The following VPS13D variants were observed in gnomAD, a reference collection of about 807,000 sequenced individuals.
VPS13D encodes the protein vacuolar protein sorting 13 homolog D.
VPS13D carries 187 observed loss-of-function variants against 461.9 expected under a neutral mutation model. The ratio of observed to expected loss-of-function variants is 0.40; its 90% CI spans 0.36 to 0.46. The LOEUF is 0.46. VPS13D is among the 20% of genes least tolerant of loss of function. The pLI, the probability that VPS13D is intolerant of heterozygous loss-of-function variation, is 0.60. For synonymous variants in VPS13D, 1,951 were observed against 1,986.3 expected (o/e 0.98, Z 0.47); for missense variants, 4,711 against 5,364.9 (o/e 0.88, Z 3.81).
At chr1:12,349,603 A>G (rs188909538) in intron 46 of VPS13D, among the ~76,000 whole-genome samples, 185 of 152,262 alleles carry the variant, frequency 1.2e-3, no homozygotes, top group African/African-American at 4.2e-3. Context: ...CACACATGCT[A>G]TTTACACATA....
Position 12,511,368 on chromosome 1 carries a change from C to T in VPS13D, c.*2344C>T, listed in dbSNP as rs1646179351. 2 of 152,184 alleles carry T rather than the reference C, an allele frequency of 1.3e-5. No homozygotes were observed. The highest frequency in any genetic ancestry group is 2.9e-5 in the Non-Finnish European group (2 of 68,038). 9.4% of individuals were successfully genotyped at this position (152,184 alleles called of 1,614,324 possible). On this transcript the variant is annotated 3_prime_UTR_variant, in exon 70 of 70. Transcript: ENST00000620676. This position sits in a 1 kb window ranked among gnomAD's most constrained non-coding sequence, Gnocchi z 4.5. ...CTCTCCCCTGCCCTGCAGCCCTGGG[C>T]CAGACAAGGCCAGAAGGTTTCAGGG...
chr1:12,408,237 A>G (rs961306375), intron 63 of VPS13D, among the ~76,000 whole-genome samples: 1 of 152,216 alleles, frequency 6.6e-6, no homozygotes, highest in Admixed American at 6.5e-5. Flanking sequence ...GTGAAAATGC[A>G]CATATTCAAG....
intron 36 of VPS13D, among the ~76,000 whole-genome samples, chr1:12,328,990 C>G (rs1643262854): frequency 6.6e-6 from 1 of 152,166 alleles, no homozygotes; most frequent in African/African-American, 2.4e-5. Flanking sequence ...AGAGCTTGCC[C>G]TTTCCCTGAG....
At position 12,506,963 on chromosome 1, in the gene VPS13D, T is replaced by G; in HGVS notation, c.12905T>G (p.Val4302Gly). ...YVDREAIFLEVKYDDLYHCLV... is the reference protein window; with the variant it reads ...YVDREAIFLEGKYDDLYHCLV... ...GATCGAGAAGCCATTTTCCTAGAAG[T>G]CAAATACGATGACCTCTACCACTGC... Residue 4302 changes from valine (V) to glycine (G), a missense_variant, in exon 69 of 70, where the codon GTC becomes GGC. By Grantham distance (109) the Val-to-Gly change is moderately radical. Coordinates refer to ENST00000620676, the MANE Select transcript of VPS13D (RefSeq NM_015378.4). 1 of 1,614,222 alleles carries G rather than the reference T, an allele frequency of 6.2e-7. No individual in the cohort carries two copies.
At chr1:12,479,696 C>T (rs1429091874) in intron 67 of VPS13D, among the ~76,000 whole-genome samples, 4 of 152,126 alleles carry the variant, frequency 2.6e-5, no homozygotes, top group Admixed American at 2.0e-4. Context: ...GGCCATCTCT[C>T]GGTCCCTCAC....
intron 67 of VPS13D, among the ~76,000 whole-genome samples, chr1:12,481,489 G>T (rs759701440): frequency 2.6e-4 from 39 of 152,186 alleles, no homozygotes; most frequent in Admixed American, 5.2e-4. Flanking sequence ...CAGTGTTGTT[G>T]GTTCTTGTTT....
At chr1:12,247,418 A>G (rs888577096) in intron 5 of VPS13D, among the ~76,000 whole-genome samples, 4 of 148,182 alleles carry the variant, frequency 2.7e-5, no homozygotes, top group African/African-American at 7.3e-5. Context: ...CTCCATCTCA[A>G]AAAAAAAAAA....
intron 64 of VPS13D, among the ~76,000 whole-genome samples, chr1:12,416,026 G>GA (rs918444088): frequency 1.3e-5 from 2 of 151,862 alleles, no homozygotes; most frequent in African/African-American, 4.8e-5. Context: ...ACAAAATATA[G>GA]AAAAAAAAGA....
In VPS13D at chr1:12,327,733, C is replaced by T. The variant is rs1232800671; in HGVS notation, c.8076C>T (p.Ser2692=). Residue 2692 remains serine (S), a synonymous_variant, in exon 36 of 70, where the codon AGC becomes AGT. Transcript: ENST00000620676. ...SLSLASTSRD[S]PGAVAAPLIS... ...CCTTGGCCTCCACCAGCCGAGATAGCCCAGGGGCTGTGGCAGCGCCATTGA... is the reference window on the plus strand; with the variant it reads ...CCTTGGCCTCCACCAGCCGAGATAGTCCAGGGGCTGTGGCAGCGCCATTGA... 4 of 1,614,126 alleles carry T rather than the reference C, an allele frequency of 2.5e-6. No homozygotes were observed. The highest frequency in any genetic ancestry group is 1.1e-5 in the South Asian group (1 of 91,076).
rs369494946 is a variant in VPS13D, at chr1:12,290,716, C to CT, written c.5726-281dup. ...CCAGCCTGGGCGACAGAGCTAGACT[C>CT]TGTCTAAAAAAAAAAAAAAAATGTA... is the stretch of plus-strand genomic sequence containing the variant. On this transcript the variant is annotated intron_variant, in intron 22 of 69. Transcript: ENST00000620676. 3.5e-3 allele frequency among the ~76,000 whole-genome samples: 520 copies of CT among 147,018 alleles called. 4 individuals are homozygous for CT. The highest frequency in any genetic ancestry group is 0.013 in the African/African-American group (501 of 39,264).
chr1:12,334,257 A>G (rs1643398137), intron 38 of VPS13D, among the ~76,000 whole-genome samples: 1 of 152,180 alleles, frequency 6.6e-6, no homozygotes, highest in Non-Finnish European at 1.5e-5. Flanking sequence ...CTAGTTGTTA[A>G]TATCACCTAG....
intron 22 of VPS13D, among the ~76,000 whole-genome samples, chr1:12,290,308 C>T (rs1195830961): frequency 1.3e-5 from 2 of 152,118 alleles, no homozygotes; most frequent in East Asian, 3.9e-4. Context: ...TCTGACACGT[C>T]CTCCTTTATT....
chr1:12,236,175 C>A (rs235256), intron 2 of VPS13D, among the ~76,000 whole-genome samples: 34,275 of 151,972 alleles, frequency 0.23, 6,658 homozygotes, highest in African/African-American at 0.52. Flanking sequence ...CAGGGTAGAA[C>A]AATGCTTTTT....
chr1:12,436,983 A>G (rs1301813551), intron 65 of VPS13D, among the ~76,000 whole-genome samples: 2 of 152,118 alleles, frequency 1.3e-5, no homozygotes, highest in Non-Finnish European at 2.9e-5. Flanking sequence ...AAGTATTTTT[A>G]TGTGGGTAAA....
chr1:12,300,627 TA>T (rs1642399687), intron 25 of VPS13D, among the ~76,000 whole-genome samples: 1 of 152,232 alleles, frequency 6.6e-6, no homozygotes, highest in Admixed American at 6.5e-5. Context: ...CCATTTCTCA[TA>T]ACAGTGTTTG....
At chr1:12,289,443 T>C (rs1415254624) in intron 22 of VPS13D, among the ~76,000 whole-genome samples, 1 of 152,180 alleles carries the variant, frequency 6.6e-6, no homozygotes, top group African/African-American at 2.4e-5. Context: ...TATCAAAGAT[T>C]ACAAAGCTCA....
At chr1:12,235,328 C>T (rs1425985517) in intron 2 of VPS13D, among the ~76,000 whole-genome samples, 1 of 152,146 alleles carries the variant, frequency 6.6e-6, no homozygotes, top group African/African-American at 2.4e-5. Context: ...CCTGTAATCC[C>T]AGTACTTTGG....
chr1:12,487,000 C>T (rs868356895), intron 67 of VPS13D, among the ~76,000 whole-genome samples: 1 of 152,130 alleles, frequency 6.6e-6, no homozygotes, highest in Non-Finnish European at 1.5e-5. Flanking sequence ...ATCACCCTCC[C>T]TGGAAGAGAT....
intron 2 of VPS13D, among the ~76,000 whole-genome samples, chr1:12,237,351 G>A (rs964990180): frequency 6.8e-6 from 1 of 148,072 alleles, no homozygotes; most frequent in Non-Finnish European, 1.5e-5. Context: ...AAATTAGCTG[G>A]GTATGGTGGC....
Sources: allele counts gnomAD v4.1 joint callset (sites outside exome capture counted in the v4.1 genomes callset), GRCh38; gene constraint gnomAD v4.1.1; non-coding constraint Gnocchi (gnomAD v3.1); transcripts MANE v1.5; gene names NCBI Gene and HGNC (gene_info 2026-07-23, HGNC 2026-07-21).